The following TMEM273 variants were observed in gnomAD, a reference collection of about 807,000 sequenced individuals.
TMEM273 encodes transmembrane protein 273, also known as chromosome 10 open reading frame 128.
TMEM273 carries 19 observed loss-of-function variants against 17.9 expected under a neutral mutation model. The observed-to-expected ratio is 1.06, with a 90% CI of 0.74 to 1.55. The LOEUF (loss-of-function observed/expected upper bound fraction) is 1.55, where lower values mean the gene tolerates loss of function less well. Ranked by LOEUF, TMEM273 falls within the 40% of genes most tolerant of loss-of-function variation. The pLI is 0.00. For missense variants in TMEM273, 194 were observed against 155.6 expected, an observed-to-expected ratio of 1.25 and a Z score of -1.31; for synonymous variants, 66 against 62.0, an observed-to-expected ratio of 1.07 and a Z score of -0.31.
In TMEM273 at chr10:49,188,308, A is replaced by G; in HGVS notation, c.29T>C (p.Ile10Thr). Residue 10 changes from isoleucine (I) to threonine (T), a missense_variant, in exon 1 of 7, where the codon ATC becomes ACC. Coordinates refer to ENST00000374153, the MANE Select transcript of TMEM273 (RefSeq NM_001288740.3). ...TCCCCACTTACCCAGGAGGAAGAGG[A>G]TCCTCAGCATGCTGACCCCCAAGTT... MNLGVSMLR[I>T]LFLLDVGGAQ... 1 of 1,614,118 alleles carries G rather than the reference A, an allele frequency of 6.2e-7. No homozygotes were observed. The highest frequency in any genetic ancestry group is 8.5e-7 in the Non-Finnish European group (1 of 1,179,994).
At chr10:49,185,010 C>T (rs1430173248) in intron 1 of TMEM273, among the ~76,000 whole-genome samples, 4 of 152,146 alleles carry the variant, frequency 2.6e-5, no homozygotes, top group African/African-American at 4.8e-5. Flanking sequence ...TTTTTAACAG[C>T]TGCAAAGTAA....
intron 1 of TMEM273, among the ~76,000 whole-genome samples, chr10:49,173,273 A>T (rs1846706105): frequency 6.6e-6 from 1 of 152,234 alleles, no homozygotes; most frequent in Non-Finnish European, 1.5e-5. Flanking sequence ...GAGCTCGGTA[A>T]CTGTCATCTG....
At chr10:49,167,830 C>A (rs77247121) in intron 2 of TMEM273, 79 bp downstream of exon 2, 1 of 1,558,514 alleles carries the variant, frequency 6.4e-7, no homozygotes, top group Non-Finnish European at 8.8e-7. Context: ...TCCAGCACTG[C>A]GGCCCTCTGC....
chr10:49,186,784 C>T (rs1289464052), intron 1 of TMEM273, among the ~76,000 whole-genome samples: 4 of 152,182 alleles, frequency 2.6e-5, no homozygotes, highest in Admixed American at 6.5e-5. Context: ...AAAGCAGAAA[C>T]GAGCTGTGAT....
intron 2 of TMEM273, 138 bp from the exon 3 acceptor site, chr10:49,167,147 TC>T: frequency 8.5e-7 from 1 of 1,173,114 alleles, no homozygotes; most frequent in Non-Finnish European, 1.2e-6. Context: ...CCTTCTACTC[TC>T]CCATGAGTCC....
intron 5 of TMEM273, among the ~76,000 whole-genome samples, chr10:49,164,434 G>A (rs1000975138): frequency 3.9e-5 from 6 of 152,026 alleles, no homozygotes; most frequent in Admixed American, 2.0e-4. Flanking sequence ...ACATCTTCCT[G>A]GCTGCAGCTG....
intron 6 of TMEM273, among the ~76,000 whole-genome samples, chr10:49,156,985 G>A (rs1320519689): frequency 6.6e-6 from 1 of 152,214 alleles, no homozygotes; most frequent in African/African-American, 2.4e-5. Context: ...AGGTTCAGAA[G>A]AAAATGGGGT....
intron 6 of TMEM273, among the ~76,000 whole-genome samples, chr10:49,156,646 C>T (rs939779055): frequency 3.3e-5 from 5 of 152,228 alleles, no homozygotes; most frequent in African/African-American, 1.2e-4. Context: ...TATATTCAGT[C>T]ACAGTCTCCT....
rs567823379 is a variant in TMEM273 at position 49,165,265 on chromosome 10, G to A, written c.288C>T (p.Thr96=). The A allele has an allele frequency of 6.4e-7, 1 of 1,550,526 alleles. No individual in the cohort carries two copies. The stretch of plus-strand genomic sequence containing the variant: ...GAAGCAGGGATTTGAAGGAAAAGAG[G>A]GTCGAGGCTTGCAGCTTTCTGGCAA... ...KRAPRKLQAS[T]LFSFKSLLQC... Residue 96 remains threonine, a synonymous_variant, in exon 5 of 7, where the codon ACC becomes ACT. Transcript: ENST00000374153.
intron 1 of TMEM273, among the ~76,000 whole-genome samples, chr10:49,181,241 C>T (rs1452264449): frequency 2.0e-5 from 3 of 152,094 alleles, no homozygotes; most frequent in Non-Finnish European, 2.9e-5. Flanking sequence ...GAGACACATA[C>T]CAAGTTCATG....
At chr10:49,178,465 A>G (rs894587555) in intron 1 of TMEM273, 2 of 363,274 alleles carry the variant, frequency 5.5e-6, no homozygotes, top group Non-Finnish European at 1.1e-5. Flanking sequence ...CCTGGAGGGG[A>G]ACAGCATCAT....
chr10:49,178,103 G>A, intron 1 of TMEM273: 1 of 442,822 alleles, frequency 2.3e-6, no homozygotes, highest in Non-Finnish European at 4.6e-6. Flanking sequence ...CACTCTTCCT[G>A]TAAGGCTGTT....
At chr10:49,156,282 AC>A (rs1845503323) in intron 6 of TMEM273, 1 of 1,324,094 alleles carries the variant, frequency 7.6e-7, no homozygotes, top group Non-Finnish European at 1.0e-6. Context: ...AGATAGATAG[AC>A]CTATGAGAAT....
intron 4 of TMEM273, among the ~76,000 whole-genome samples, chr10:49,165,536 C>T (rs188476207): frequency 2.6e-5 from 4 of 152,334 alleles, no homozygotes; most frequent in East Asian, 3.9e-4. Context: ...TATGCAGAGG[C>T]GAGCCCTACT....
intron 6 of TMEM273, among the ~76,000 whole-genome samples, chr10:49,159,719 G>A (rs147947010): frequency 1.3e-5 from 1 of 75,276 alleles, no homozygotes; most frequent in Non-Finnish European, 3.2e-5. Context: ...GAGTGAGAGA[G>A]AGACAGAGAG....
At chr10:49,172,071 A>G (rs1283624132) in intron 1 of TMEM273, among the ~76,000 whole-genome samples, 1 of 152,252 alleles carries the variant, frequency 6.6e-6, no homozygotes, top group Non-Finnish European at 1.5e-5. Flanking sequence ...ATGCCCGGCC[A>G]TAGTCTTCTT....
At chr10:49,165,169 A>C in intron 5 of TMEM273, 36 bp downstream of exon 5, 1 of 1,524,860 alleles carries the variant, frequency 6.6e-7, no homozygotes, top group Non-Finnish European at 8.8e-7. Flanking sequence ...AAGCAAAGAG[A>C]AGAGAATGGT....
chr10:49,157,221 C>T (rs950977807), intron 6 of TMEM273, among the ~76,000 whole-genome samples: 5 of 152,222 alleles, frequency 3.3e-5, no homozygotes, highest in Non-Finnish European at 7.3e-5. Flanking sequence ...TGCTGAGCTA[C>T]CTTATGGATG....
At chr10:49,171,591 C>G (rs947602840) in intron 1 of TMEM273, among the ~76,000 whole-genome samples, 1 of 152,244 alleles carries the variant, frequency 6.6e-6, no homozygotes, top group Admixed American at 6.5e-5. Context: ...GCTCCAGCCC[C>G]CTCACAGCTG....
Sources: allele counts gnomAD v4.1 joint callset (sites outside exome capture counted in the v4.1 genomes callset), GRCh38; gene constraint gnomAD v4.1.1; transcripts MANE v1.5; gene names NCBI Gene and HGNC (gene_info 2026-07-23, HGNC 2026-07-21).